The following LXN variants were observed in gnomAD, a reference collection of about 807,000 sequenced individuals.
The protein encoded by LXN is MUM.
A neutral mutation model predicts 29.8 loss-of-function variants in LXN; 28 were observed. The observed-to-expected ratio is 0.94, with a 90% confidence interval of 0.70 to 1.29. The LOEUF (loss-of-function observed/expected upper bound fraction) is 1.29. LXN is among the 50% of genes most tolerant of loss of function. The pLI, the probability that LXN is intolerant of heterozygous loss-of-function variation, is 0.00. For missense variants in LXN, 227 were observed against 261.7 expected (o/e 0.87, Z 0.92); for synonymous variants, 77 against 89.6 (o/e 0.86, Z 0.80).
At chr3:158,669,247 T>C in intron 3 of LXN, 115 bp from the exon 4 acceptor site, 5 of 1,261,210 alleles carry the variant, frequency 4.0e-6, no homozygotes, top group Non-Finnish European at 5.5e-6. Context: ...AAAAATAATT[T>C]AATTAAGCTA....
chr3:158,668,834 T>C (rs556253967), intron 4 of LXN, among the ~76,000 whole-genome samples, 162 bp downstream of exon 4: 4 of 152,302 alleles, frequency 2.6e-5, no homozygotes, highest in African/African-American at 9.6e-5. Flanking sequence ...CTACAATTCT[T>C]CACCTTCTCT....
chr3:158,666,557 G>T lies in LXN; in HGVS notation c.*89C>A. 8.0e-7 allele frequency: 1 copy of T among 1,250,336 alleles called. No homozygotes were observed. The highest frequency in any genetic ancestry group is 1.2e-6 in the Non-Finnish European group (1 of 855,522). The allele number at this position is 1,250,336 out of a possible 1,614,324, so 77.5% of individuals were successfully genotyped here. On this transcript the variant is annotated 3_prime_UTR_variant, in exon 6 of 6. Coordinates refer to ENST00000264265, the MANE Select transcript of LXN (RefSeq NM_020169.4). The stretch of plus-strand genomic sequence containing the variant: ...AGACATTTATATAAAGTGACACTTT[G>T]GGATTATTTGGCCTCATAAGCTAGA...
intron 1 of LXN, 74 bp downstream of exon 1, chr3:158,672,276 G>T: frequency 1.0e-5 from 16 of 1,583,818 alleles, no homozygotes; most frequent in Non-Finnish European, 1.4e-5. Flanking sequence ...TGCACCCAAA[G>T]GCTGAGACCG....
intron 4 of LXN, among the ~76,000 whole-genome samples, chr3:158,668,336 G>A (rs927929602): frequency 1.3e-5 from 2 of 151,836 alleles, no homozygotes; most frequent in East Asian, 1.9e-4. Context: ...GAATCATGAC[G>A]AGAAAAAAAT....
At chr3:158,669,254 G>T in intron 3 of LXN, 122 bp from the exon 4 acceptor site, 1 of 1,231,260 alleles carries the variant, frequency 8.1e-7, no homozygotes, top group Non-Finnish European at 1.1e-6. Context: ...ATTTAATTAA[G>T]CTATGGATCT....
Position 158,669,493 on chromosome 3 carries a change from T to C in LXN, c.310A>G (p.Asn104Asp). Reference protein sequence around the residue: ...ETGKNPDEEDNTFYQRLKSMK... With the variant: ...ETGKNPDEEDDTFYQRLKSMK... ...GACTTAAGTCTTTGATAAAATGTGT[T>C]GTCTTCTTCATCTGGATTCTTTCCA... The change falls in exon 3 of 6, where the codon AAC becomes GAC. Residue 104 changes from asparagine (N) to aspartate (D), a missense_variant. By Grantham distance (23) the Asn-to-Asp change is conservative. Coordinates refer to ENST00000264265, the MANE Select transcript of LXN (RefSeq NM_020169.4). The C allele has an allele frequency of 6.2e-7, 1 of 1,614,022 alleles. No individual in the cohort carries two copies. Among genetic ancestry groups the C allele is most frequent in the Non-Finnish European group, 8.5e-7 (1 of 1,179,916 alleles).
intron 1 of LXN, 136 bp from the exon 2 acceptor site, chr3:158,671,155 G>T: frequency 4.2e-6 from 5 of 1,198,068 alleles, no homozygotes; most frequent in Non-Finnish European, 5.3e-6. Flanking sequence ...CTTGAAAAAG[G>T]CATGTCACCA....
Position 158,672,540 on chromosome 3 carries a change from C to T in LXN, c.-62G>A, listed in dbSNP as rs1724443834. 2 of 1,598,142 alleles carry T rather than the reference C, an allele frequency of 1.3e-6. No individual in the cohort carries two copies. Among genetic ancestry groups the T allele is most frequent in the African/African-American group, 2.7e-5 (2 of 74,636 alleles). On this transcript the variant is annotated 5_prime_UTR_variant, in exon 1 of 6. Coordinates refer to ENST00000264265, the MANE Select transcript of LXN (RefSeq NM_020169.4). The stretch of plus-strand genomic sequence containing the variant: ...TGGCTTAACGGGACCAGTAGCAGAG[C>T]GCCGCCCGTCCTGCTTGCTGCTGGG...
chr3:158,667,128 T>C (rs1416650553), intron 4 of LXN, 54 bp from the exon 5 acceptor site: 14 of 1,476,292 alleles, frequency 9.5e-6, no homozygotes, highest in Non-Finnish European at 1.3e-5. Flanking sequence ...TTGGCAAAAA[T>C]TACATTTAAT....
chr3:158,671,128 T>C, intron 1 of LXN, 109 bp from the exon 2 acceptor site: 2 of 1,291,786 alleles, frequency 1.5e-6, no homozygotes, highest in Middle Eastern at 2.1e-4. Flanking sequence ...TGAAGGGGAA[T>C]GGTGAAAGCC....
At position 158,666,607 on chromosome 3, in the gene LXN, C is replaced by A; in HGVS notation, c.*39G>T. 2 of 1,554,370 alleles carry A rather than the reference C, an allele frequency of 1.3e-6. No homozygotes were observed. The highest frequency in any genetic ancestry group is 1.8e-6 in the Non-Finnish European group (2 of 1,126,798). On this transcript the variant is annotated 3_prime_UTR_variant, in exon 6 of 6. Coordinates refer to ENST00000264265, the MANE Select transcript of LXN (RefSeq NM_020169.4). The stretch of plus-strand genomic sequence containing the variant: ...ATGCCAGTGAAATTGGCATACACAT[C>A]AATAGACATGTTTACACTTCCAGTG...
At chr3:158,668,639 G>A (rs1338041135) in intron 4 of LXN, among the ~76,000 whole-genome samples, 3 of 152,250 alleles carry the variant, frequency 2.0e-5, no homozygotes, top group Non-Finnish European at 4.4e-5. Context: ...TTAACAGGAA[G>A]TGTTTCACTG....
At position 158,671,055 on chromosome 3, in the gene LXN, A is replaced by G. The variant is rs76064885; in HGVS notation, c.130-36T>C. 1,012 of 1,481,848 alleles carry G rather than the reference A, an allele frequency of 6.8e-4. 11 individuals are homozygous for G. The East Asian group carries it at 0.022, about 33-fold the overall frequency. The allele number at this position is 1,481,848 out of a possible 1,614,324, so 91.8% of individuals were successfully genotyped here. ...GAAAATGTAGTGGAGACAAGAAAAT[A>G]TTATAACAACATTATACTTGCATTG... On this transcript the variant is annotated intron_variant, in intron 1 of 5. Transcript: ENST00000264265.
In LXN at chr3:158,669,173, A is replaced by G. The variant is rs373257319; in HGVS notation, c.371-41T>C. 9.1e-6 allele frequency: 14 copies of G among 1,532,372 alleles called. No individual in the cohort carries two copies. In the African/African-American group the frequency reaches 1.8e-4, roughly 20 times the overall value. 94.9% of individuals were successfully genotyped at this position (1,532,372 alleles called of 1,614,324 possible). A position where few individuals can be genotyped will look rare whatever the true frequency, so the allele number is the denominator to read the frequency against. ...TTTATATGATAATCATATATATAGTATTAACCTTTTAAAACAAAATCTAAA... is the reference window on the plus strand; with the variant it reads ...TTTATATGATAATCATATATATAGTGTTAACCTTTTAAAACAAAATCTAAA... On this transcript the variant is annotated intron_variant, in intron 3 of 5. Transcript: ENST00000264265.
intron 4 of LXN, among the ~76,000 whole-genome samples, chr3:158,667,528 A>G (rs1485274694): frequency 1.6e-4 from 25 of 152,258 alleles, no homozygotes; most frequent in Admixed American, 1.6e-3. Context: ...GCTCACACCT[A>G]TAATCCGAGC....
chr3:158,667,210 T>C (rs1345148607), intron 4 of LXN, 136 bp from the exon 5 acceptor site: 4 of 992,764 alleles, frequency 4.0e-6, no homozygotes, highest in Non-Finnish European at 5.6e-6. Context: ...AATGTCATAA[T>C]TTCAATTTAA....
At position 158,669,045 on chromosome 3, in the gene LXN, G is replaced by A; in HGVS notation, c.458C>T (p.Thr153Ile). 6.2e-7 allele frequency: 1 copy of A among 1,613,490 alleles called. No individual in the cohort carries two copies. The highest frequency in any genetic ancestry group is 8.5e-7 in the Non-Finnish European group (1 of 1,179,660). Residue 153 changes from threonine (T) to isoleucine (I), a missense_variant, in exon 4 of 6, where the codon ACT becomes ATT. Physicochemically the swap from Thr to Ile is moderately conservative, Grantham distance 89. Coordinates refer to ENST00000264265, the MANE Select transcript of LXN (RefSeq NM_020169.4). ...ACGYIIWQNS[T>I]EDTWYKMVKI... ...TACCATTTTATACCATGTGTCTTCA[G>A]TAGAATTTTGCCATATTATATAACC...
intron 1 of LXN, among the ~76,000 whole-genome samples, 176 bp from the exon 2 acceptor site, chr3:158,671,195 C>T (rs547972636): frequency 6.6e-6 from 1 of 152,196 alleles, no homozygotes; most frequent in African/African-American, 2.4e-5. Context: ...AGCAAGTCCC[C>T]TATCAAGTTT....
chr3:158,667,464 A>T (rs983171970), intron 4 of LXN, among the ~76,000 whole-genome samples: 5 of 152,200 alleles, frequency 3.3e-5, no homozygotes, highest in African/African-American at 1.2e-4. Context: ...AAAGAATCCA[A>T]TTTTATAACA....
Sources: gnomAD v4.1 joint callset for allele counts (sites outside exome capture counted in the v4.1 genomes callset) on GRCh38, gnomAD v4.1.1 for gene constraint, MANE v1.5 for transcripts, NCBI Gene and HGNC (gene_info 2026-07-23, HGNC 2026-07-21) for gene names.